ELFN1: variants seen among roughly 807,000 people sequenced by gnomAD.
ELFN1 encodes the protein protein ELFN1.
Under a neutral mutation model 7.6 loss-of-function variants are expected in ELFN1, and 6 were observed. That is an observed-to-expected ratio of 0.79 (90% CI 0.43 to 1.56). ELFN1 has a LOEUF of 1.56. ELFN1 is among the 40% of genes most tolerant of loss of function. The probability of loss-of-function intolerance (pLI) is 0.01; values close to 1 mark genes in which losing one functional copy is unlikely to be tolerated. For missense variants in ELFN1, 1,169 were observed against 1,232.2 expected (o/e 0.95, Z 0.77); for synonymous variants, 657 against 588.1 (o/e 1.12, Z -1.70).
chr7:1,695,778 CTGGTT>C lies in ELFN1; in HGVS notation c.-456+7635_-456+7639del, dbSNP rs1779294177. 4.1e-5 allele frequency among the ~76,000 whole-genome samples: 6 copies of C among 145,572 alleles called. No homozygotes were observed. The South Asian group carries it at 1.3e-3, about 33-fold the overall frequency. On this transcript the variant is annotated intron_variant, in intron 2 of 3. Transcript: ENST00000424383. This position sits in a 1 kb window ranked among gnomAD's most constrained non-coding sequence, Gnocchi z 5.1. ...AAAAAAAAAAAAAAAAAAAACCGTGCTGGTTTGGTTTCACTGACTCCCATTCATTT... is the reference window on the plus strand; with the variant it reads ...AAAAAAAAAAAAAAAAAAAACCGTGCTGGTTTCACTGACTCCCATTCATTT...
At position 1,735,673 on chromosome 7, in the gene ELFN1, G is replaced by C. The variant is rs1294597752; in HGVS notation, c.-293-8631G>C. ...GAGATCCCTCAATGGGCCCCCCTCT[G>C]TGGGCACCAGGTCCGGCAACTGTGC... is the stretch of plus-strand genomic sequence containing the variant. On this transcript the variant is annotated intron_variant, in intron 3 of 3. Coordinates refer to ENST00000424383, the MANE Select transcript of ELFN1 (RefSeq NM_001128636.4). The surrounding 1 kb of genome is among the most constrained non-coding windows in gnomAD (Gnocchi z 5.9). Among the ~76,000 whole-genome samples, 1 of 152,066 alleles carries C rather than the reference G, an allele frequency of 6.6e-6. No homozygotes were observed. The highest frequency in any genetic ancestry group is 1.5e-5 in the Non-Finnish European group (1 of 67,990).
chr7:1,674,628 C>A (rs1321353510), intron 1 of ELFN1, among the ~76,000 whole-genome samples: 2 of 152,212 alleles, frequency 1.3e-5, no homozygotes, highest in Non-Finnish European at 1.5e-5. Context: ...TGACAGTGGA[C>A]GGTGACCCCC....
upstream of ELFN1, among the ~76,000 whole-genome samples, chr7:1,670,173 A>AG (rs1778734845): frequency 7.0e-5 from 1 of 14,252 alleles, no homozygotes; most frequent in African/African-American, 2.8e-4. The surrounding 1 kb of genome is among the most constrained non-coding windows in gnomAD (Gnocchi z 6.4). Context: ...GAGGGAGGGA[A>AG]GGGGGGCGGG....
chr7:1,705,820 A>C lies in ELFN1; in HGVS notation c.-455-3271A>C, dbSNP rs1471231826. Among the ~76,000 whole-genome samples, 1 of 152,202 alleles carries C rather than the reference A, an allele frequency of 6.6e-6. No homozygotes were observed. Among genetic ancestry groups the C allele is most frequent in the Non-Finnish European group, 1.5e-5 (1 of 68,028 alleles). On this transcript the variant is annotated intron_variant, in intron 2 of 3. Transcript: ENST00000424383. This position sits in a 1 kb window ranked among gnomAD's most constrained non-coding sequence, Gnocchi z 4.3. Reference sequence around the variant, plus strand: ...TCGGGGAGGTCTGATGAGCCCCCGAATATCACAGACAAAACTGCCTGTGTA... The same window carrying C: ...TCGGGGAGGTCTGATGAGCCCCCGACTATCACAGACAAAACTGCCTGTGTA...
At chr7:1,687,733 A>G (rs1304472642) in intron 1 of ELFN1, among the ~76,000 whole-genome samples, 1 of 152,220 alleles carries the variant, frequency 6.6e-6, no homozygotes, top group Admixed American at 6.5e-5. Flanking sequence ...TCTAAATGTT[A>G]AATCTAAAAC....
intron 1 of ELFN1, among the ~76,000 whole-genome samples, chr7:1,683,620 G>A (rs967246110): frequency 3.9e-5 from 6 of 152,168 alleles, no homozygotes; most frequent in Non-Finnish European, 7.3e-5. Context: ...TGTTCTATCA[G>A]TTATTGAGAG....
At chr7:1,711,614 G>GAGAA (rs1562369928) in intron 3 of ELFN1, among the ~76,000 whole-genome samples, 1 of 148,632 alleles carries the variant, frequency 6.7e-6, no homozygotes, top group Non-Finnish European at 1.5e-5. Flanking sequence ...GAGAGAGAGA[G>GAGAA]AGAGAGAGAG....
chr7:1,685,164 T>C (rs1779041934), intron 1 of ELFN1, among the ~76,000 whole-genome samples: 1 of 152,180 alleles, frequency 6.6e-6, no homozygotes, highest in African/African-American at 2.4e-5. Context: ...CTTTCCTCCA[T>C]AGTTTCTGAT....
intron 3 of ELFN1, among the ~76,000 whole-genome samples, chr7:1,711,615 AG>A (rs1779658648): frequency 6.9e-6 from 1 of 144,302 alleles, no homozygotes; most frequent in African/African-American, 2.9e-5. Flanking sequence ...AGAGAGAGAG[AG>A]AGAGAGAGAG....
chr7:1,745,858 C>A lies in ELFN1; in HGVS notation c.1262C>A (p.Thr421Asn). 3 of 1,591,146 alleles carry A rather than the reference C, an allele frequency of 1.9e-6. No individual in the cohort carries two copies. Among genetic ancestry groups the A allele is most frequent in the Non-Finnish European group, 2.6e-6 (3 of 1,170,268 alleles). ...TCCACGGCCACCCACTACATCATGA[C>A]CATCCTGGGCTGCCTCTTCGGCATG... ...SPSTATHYIM[T>N]ILGCLFGMVL... Residue 421 changes from threonine to asparagine, a missense_variant, in exon 4 of 4, where the codon ACC becomes AAC. Thr to Asn is a moderately conservative substitution (Grantham distance 65). Coordinates refer to ENST00000424383, the MANE Select transcript of ELFN1 (RefSeq NM_001128636.4).
intron 2 of ELFN1, among the ~76,000 whole-genome samples, chr7:1,691,039 G>A (rs1345321208): frequency 1.3e-5 from 2 of 151,758 alleles, no homozygotes; most frequent in Admixed American, 1.3e-4. Flanking sequence ...GAGTGTAGAA[G>A]TCCCCCAGGT....
In ELFN1 at chr7:1,746,814, C is replaced by G. The variant is rs946433069; in HGVS notation, c.2218C>G (p.Leu740Val). 1.1e-5 allele frequency: 17 copies of G among 1,534,198 alleles called. No individual in the cohort carries two copies. Among genetic ancestry groups the G allele is most frequent in the African/African-American group, 4.1e-5 (3 of 72,330 alleles). ...LGRKASILEPLTRPRPRDLAY... is the reference protein window; with the variant it reads ...LGRKASILEPVTRPRPRDLAY... Reference sequence around the variant, plus strand: ...GCGCAAGGCGTCCATCCTGGAGCCACTCACCCGGCCGCGGCCCCGCGACCT... The same window carrying G: ...GCGCAAGGCGTCCATCCTGGAGCCAGTCACCCGGCCGCGGCCCCGCGACCT... The change falls in exon 4 of 4, where the codon CTC (leucine) becomes GTC (valine). Residue 740 changes from leucine (L) to valine (V), a missense_variant. Leu to Val is a conservative substitution (Grantham distance 32). This residue lies in a region of ELFN1 where 914 missense variants were observed against 872.6 expected (regional missense o/e 1.05). Transcript: ENST00000424383.
intron 1 of ELFN1, among the ~76,000 whole-genome samples, chr7:1,683,370 C>A (rs1028914206): frequency 1.3e-5 from 2 of 152,078 alleles, no homozygotes; most frequent in African/African-American, 2.4e-5. Flanking sequence ...CAAGTCTGTT[C>A]AGATTTTCTA....
At chr7:1,686,596 G>A (rs1241882477) in intron 1 of ELFN1, among the ~76,000 whole-genome samples, 1 of 152,010 alleles carries the variant, frequency 6.6e-6, no homozygotes, top group African/African-American at 2.4e-5. Context: ...AATACCTTGA[G>A]CCAGTCAGGC....
chr7:1,705,867 C>T lies in ELFN1; in HGVS notation c.-455-3224C>T, dbSNP rs1392183914. Among the ~76,000 whole-genome samples the T allele has an allele frequency of 1.3e-5, 2 of 152,214 alleles. No individual in the cohort carries two copies. Among genetic ancestry groups the T allele is most frequent in the Non-Finnish European group, 2.9e-5 (2 of 68,036 alleles). On this transcript the variant is annotated intron_variant, in intron 2 of 3. Coordinates refer to ENST00000424383, the MANE Select transcript of ELFN1 (RefSeq NM_001128636.4). This position sits in a 1 kb window ranked among gnomAD's most constrained non-coding sequence, Gnocchi z 4.3. ...TGTATTTTCCAGGGTGGGTTCTTAGCTTTGACCCCTCCAGCCCAGTGGTCT... is the reference window on the plus strand; with the variant it reads ...TGTATTTTCCAGGGTGGGTTCTTAGTTTTGACCCCTCCAGCCCAGTGGTCT...
intron 2 of ELFN1, among the ~76,000 whole-genome samples, chr7:1,708,482 C>T (rs1779583632): frequency 1.3e-5 from 2 of 152,336 alleles, no homozygotes; most frequent in Admixed American, 6.5e-5. Flanking sequence ...GACTTAGTTT[C>T]CTTCTCAGTG....
chr7:1,746,984 G>A lies in ELFN1; in HGVS notation c.2388G>A (p.Ala796=), dbSNP rs577340198. ...AGGAGGAAGAGGAGTTCATGGCCGCGGGCCATGCCCTGCGCAAGAAGGTTC... is the reference window on the plus strand; with the variant it reads ...AGGAGGAAGAGGAGTTCATGGCCGCAGGCCATGCCCTGCGCAAGAAGGTTC... ...RHKEEEEFMA[A]GHALRKKVQF... The change falls in exon 4 of 4, where the codon GCG becomes GCA. Residue 796 remains alanine, a synonymous_variant. Coordinates refer to ENST00000424383, the MANE Select transcript of ELFN1 (RefSeq NM_001128636.4). The A allele has an allele frequency of 3.1e-5, 49 of 1,561,518 alleles. No individual in the cohort carries two copies. Among genetic ancestry groups the A allele is most frequent in the South Asian group, 2.5e-4 (21 of 84,220 alleles).
chr7:1,666,535 C>G (rs1192372114), upstream of ELFN1, among the ~76,000 whole-genome samples: 1 of 151,942 alleles, frequency 6.6e-6, no homozygotes, highest in African/African-American at 2.4e-5. The surrounding 1 kb of genome is among the most constrained non-coding windows in gnomAD (Gnocchi z 7.9). Flanking sequence ...GACGCCGCGG[C>G]TGGAAGGGCC....
rs532796091 is a variant in ELFN1, at chr7:1,673,085, G to GCC, written c.-549+2739_-549+2740dup. Among the ~76,000 whole-genome samples, 7 of 89,108 alleles carry GCC rather than the reference G, an allele frequency of 7.9e-5. No homozygotes were observed. Among genetic ancestry groups the GCC allele is most frequent in the Non-Finnish European group, 1.4e-4 (7 of 50,060 alleles). The allele number at this position is 89,108 out of a possible 152,430, so 58.5% of individuals were successfully genotyped here. On this transcript the variant is annotated intron_variant, in intron 1 of 3. Transcript: ENST00000424383. This position sits in a 1 kb window ranked among gnomAD's most constrained non-coding sequence, Gnocchi z 4.7. The stretch of plus-strand genomic sequence containing the variant: ...TGGATACATTTGTCATCTCTCCAGC[G>GCC]CCCCCCCCCGCTCTTTCCTTTTTGT...
Sources: gnomAD v4.1 joint callset for allele counts (sites outside exome capture counted in the v4.1 genomes callset) on GRCh38, gnomAD v4.1.1 for gene constraint, gnomAD v4.1.1 regional missense constraint, Gnocchi (gnomAD v3.1) non-coding constraint, MANE v1.5 for transcripts, NCBI Gene and HGNC (gene_info 2026-07-23, HGNC 2026-07-21) for gene names.